The following LAMB4 variants were observed in gnomAD, a reference collection of about 807,000 sequenced individuals.
LAMB4 encodes laminin subunit beta 4.
In LAMB4, 196 loss-of-function variants were observed where a neutral mutation model predicts 199.2. The ratio of observed to expected loss-of-function variants is 0.98; its 90% CI spans 0.88 to 1.11. The LOEUF (loss-of-function observed/expected upper bound fraction) is 1.11. Among genes scored for constraint, LAMB4 ranks in the 50% least tolerant of loss-of-function variants. The pLI, the probability that LAMB4 is intolerant of heterozygous loss-of-function variation, is 0.00. For synonymous variants in LAMB4, 744 were observed against 770.6 expected, an observed-to-expected ratio of 0.97 and a Z score of 0.57; for missense variants, 2,080 against 2,171.2, an observed-to-expected ratio of 0.96 and a Z score of 0.83.
At chr7:108,118,411 G>A (rs954990487) in intron 2 of LAMB4, among the ~76,000 whole-genome samples, 5 of 152,168 alleles carry the variant, frequency 3.3e-5, no homozygotes, top group South Asian at 4.2e-4. Flanking sequence ...AACAGACTGC[G>A]ATTTTGGCAG....
intron 1 of LAMB4, among the ~76,000 whole-genome samples, chr7:108,125,231 AC>A (rs1175653548): frequency 2.6e-5 from 4 of 151,944 alleles, no homozygotes; most frequent in Non-Finnish European, 5.9e-5. Context: ...CTGCACAGGC[AC>A]TTTTCTAGGT....
chr7:108,129,804 C>T (rs1056492531), intron 1 of LAMB4, among the ~76,000 whole-genome samples: 1 of 152,256 alleles, frequency 6.6e-6, no homozygotes, highest in South Asian at 2.1e-4. Context: ...GCTGGGATTA[C>T]AGGCATGAGC....
intron 29 of LAMB4, among the ~76,000 whole-genome samples, chr7:108,040,270 C>G (rs560905499): frequency 6.6e-6 from 1 of 152,214 alleles, no homozygotes; most frequent in South Asian, 2.1e-4. Flanking sequence ...GTGACTCAAA[C>G]AAATGGAAAA....
intron 33 of LAMB4, among the ~76,000 whole-genome samples, chr7:108,027,201 C>G (rs1485391614): frequency 6.6e-6 from 1 of 151,962 alleles, no homozygotes; most frequent in Non-Finnish European, 1.5e-5. Context: ...GGAGGGTGAG[C>G]AGTCTCCATC....
At position 108,034,310 on chromosome 7, in the gene LAMB4, T is replaced by A; in HGVS notation, c.4716A>T (p.Thr1572=). 1.2e-6 allele frequency: 2 copies of A among 1,612,070 alleles called. No individual in the cohort carries two copies. Among genetic ancestry groups the A allele is most frequent in the Non-Finnish European group, 1.7e-6 (2 of 1,178,156 alleles). Residue 1572 remains threonine (T), a synonymous_variant, in exon 31 of 34, where the codon ACA becomes ACT. Coordinates refer to ENST00000388781, the MANE Select transcript of LAMB4 (RefSeq NM_007356.3). ...AANILLNLDK[T]LNQLQQAQIT... is the part of the protein sequence containing the mutation. ...TTTGAGCTTGTTGTAACTGGTTCAA[T>A]GTTTTGTCAAGATTTAATAGAATAT...
chr7:108,031,830 C>A (rs1352565463), intron 31 of LAMB4, among the ~76,000 whole-genome samples: 1 of 151,992 alleles, frequency 6.6e-6, no homozygotes, highest in Non-Finnish European at 1.5e-5. Flanking sequence ...TAATTTTTTC[C>A]CCTTACAAAC....
chr7:108,115,019 T>G (rs1249575406), intron 3 of LAMB4, among the ~76,000 whole-genome samples: 1 of 152,186 alleles, frequency 6.6e-6, no homozygotes, highest in Non-Finnish European at 1.5e-5. Context: ...CTACACCTCT[T>G]CCATCTCAAG....
chr7:108,082,384 A>T (rs2036985647), intron 14 of LAMB4, among the ~76,000 whole-genome samples: 1 of 151,676 alleles, frequency 6.6e-6, no homozygotes, highest in African/African-American at 2.4e-5. Flanking sequence ...AGCCTGAATT[A>T]CCAGCTTAGG....
chr7:108,039,615 CGCACCACCACATCCA>C (rs2035351982), intron 29 of LAMB4, among the ~76,000 whole-genome samples: 1 of 151,780 alleles, frequency 6.6e-6, no homozygotes, highest in Non-Finnish European at 1.5e-5. Flanking sequence ...ATCATAGGCA[CGCACCACCACATCCA>C]GCTGATTTTT....
chr7:108,098,647 C>G lies in LAMB4; in HGVS notation c.1181-65G>C. 7 of 1,320,184 alleles carry G rather than the reference C, an allele frequency of 5.3e-6. No individual in the cohort carries two copies. The South Asian group carries it at 1.0e-4, about 19-fold the overall frequency. The allele number at this position is 1,320,184 out of a possible 1,614,324, so 81.8% of individuals were successfully genotyped here. On this transcript the variant is annotated intron_variant, in intron 10 of 33. Transcript: ENST00000388781. ...TTGTGGGAAGCCTGAAATATAAGCA[C>G]GGCATTTTACTCATGCTATAACTAT...
chr7:108,097,615 C>T (rs1170642869), intron 11 of LAMB4, among the ~76,000 whole-genome samples: 2 of 152,182 alleles, frequency 1.3e-5, no homozygotes, highest in African/African-American at 2.4e-5. Context: ...GAAACCCCGT[C>T]TCTACTAAAA....
intron 10 of LAMB4, among the ~76,000 whole-genome samples, chr7:108,101,153 G>A (rs925964346): frequency 6.6e-5 from 10 of 152,118 alleles, no homozygotes; most frequent in Non-Finnish European, 1.5e-4. Flanking sequence ...CCTAAGAAGC[G>A]GGATCCCTGA....
chr7:108,047,707 G>C (rs1459922836), intron 28 of LAMB4, among the ~76,000 whole-genome samples: 1 of 151,886 alleles, frequency 6.6e-6, no homozygotes, highest in Non-Finnish European at 1.5e-5. Flanking sequence ...ATATATAACA[G>C]GAAATATATC....
At position 108,037,393 on chromosome 7, in the gene LAMB4, T is replaced by C; in HGVS notation, c.4674A>G (p.Ala1558=). The change falls in exon 30 of 34, where the codon GCA becomes GCG. Residue 1558 remains alanine, a synonymous_variant. Coordinates refer to ENST00000388781, the MANE Select transcript of LAMB4 (RefSeq NM_007356.3). ...GAQKLLVKAK[A]AEKAANILLN... is the part of the protein sequence containing the mutation. ...AATATTAATACAGTACTTACTCAGC[T>C]GCTTTGGCCTTCACCAAAAGCTTTT... 6.2e-7 allele frequency: 1 copy of C among 1,612,044 alleles called. No individual in the cohort carries two copies. The highest frequency in any genetic ancestry group is 8.5e-7 in the Non-Finnish European group (1 of 1,178,116).
rs570978950 is a variant in LAMB4 at position 108,044,771 on chromosome 7, G to A, written c.4327-875C>T. Among the ~76,000 whole-genome samples the A allele has an allele frequency of 3.3e-5, 5 of 152,104 alleles. No homozygotes were observed. The South Asian group carries it at 1.0e-3, about 32-fold the overall frequency. ...AGTTCAAGGCCAGCCTGGCCAACAT[G>A]GTGAAACCCCATCTCTACTAAAAAT... On this transcript the variant is annotated intron_variant, in intron 28 of 33. Transcript: ENST00000388781.
In LAMB4 at chr7:108,063,736, C is replaced by A; in HGVS notation, c.3061+25G>T. On this transcript the variant is annotated intron_variant, in intron 22 of 33. Transcript: ENST00000388781. ...GAGCTGTCACTCAGCTGACACATTTCCCCCTGGGAGTTTTGCAGACTTACT... is the reference window on the plus strand; with the variant it reads ...GAGCTGTCACTCAGCTGACACATTTACCCCTGGGAGTTTTGCAGACTTACT... 3 of 1,583,662 alleles carry A rather than the reference C, an allele frequency of 1.9e-6. 1 individual carries two copies. The highest frequency in any genetic ancestry group is 3.6e-4 in the Middle Eastern group (2 of 5,616).
chr7:108,062,066 A>C (rs2036179601), intron 23 of LAMB4, among the ~76,000 whole-genome samples: 2 of 152,212 alleles, frequency 1.3e-5, no homozygotes, highest in Non-Finnish European at 2.9e-5. Context: ...AATTGTTTCA[A>C]AGAATAGATT....
intron 10 of LAMB4, among the ~76,000 whole-genome samples, chr7:108,101,585 T>C (rs755102122): frequency 3.9e-5 from 6 of 152,214 alleles, no homozygotes; most frequent in Non-Finnish European, 8.8e-5. Flanking sequence ...GCTAACTTGT[T>C]CGTCGGCAAG....
the LAMB4 span, among the ~76,000 whole-genome samples, chr7:108,015,747 A>AC: frequency 7.8e-6 from 1 of 128,864 alleles, no homozygotes. Context: ...AGTTTTGAAG[A>AC]CTTTTTTTTT....
Sources: gnomAD v4.1 joint callset for allele counts (sites outside exome capture counted in the v4.1 genomes callset) on GRCh38, gnomAD v4.1.1 for gene constraint, MANE v1.5 for transcripts, NCBI Gene and HGNC (gene_info 2026-07-23, HGNC 2026-07-21) for gene names.